The following FAM241A variants were observed in gnomAD, a reference collection of about 807,000 sequenced individuals.
FAM241A encodes the protein uncharacterized protein FAM241A.
A neutral mutation model predicts 12.2 loss-of-function variants in FAM241A; 7 were observed. The observed-to-expected ratio is 0.58, with a 90% CI of 0.33 to 1.08. FAM241A has a LOEUF of 1.08. FAM241A is among the 50% of genes least tolerant of loss of function. The probability of loss-of-function intolerance (pLI) is 0.04; values close to 1 mark genes in which losing one functional copy is unlikely to be tolerated. For missense variants in FAM241A, 161 were observed against 169.7 expected, an observed-to-expected ratio of 0.95 and a Z score of 0.29; for synonymous variants, 74 against 68.2, an observed-to-expected ratio of 1.08 and a Z score of -0.42.
intron 1 of FAM241A, among the ~76,000 whole-genome samples, chr4:112,147,003 C>A (rs184921253): frequency 3.7e-4 from 56 of 152,226 alleles, no homozygotes; most frequent in African/African-American, 1.3e-3. Context: ...GTGAAGAAGA[C>A]AGCACAAGAA....
intron 1 of FAM241A, among the ~76,000 whole-genome samples, chr4:112,166,076 T>C (rs1723588676): frequency 6.7e-6 from 1 of 149,304 alleles, no homozygotes; most frequent in South Asian, 2.1e-4. Flanking sequence ...AGACAGAGTC[T>C]CGCTCTGTCG....
chr4:112,154,887 A>G (rs547129514), intron 1 of FAM241A, among the ~76,000 whole-genome samples: 231 of 152,190 alleles, frequency 1.5e-3, no homozygotes, highest in African/African-American at 5.2e-3. Flanking sequence ...TACAAAAATC[A>G]GCCGGGTATG....
rs1724079738 is a variant in FAM241A at position 112,187,928 on chromosome 4, A to T, written c.*990A>T. ...CAGATCATTTTTCTTTGATATCTATATCAGAAAGGTACAATATTAACAGTA... is the reference window on the plus strand; with the variant it reads ...CAGATCATTTTTCTTTGATATCTATTTCAGAAAGGTACAATATTAACAGTA... On this transcript the variant is annotated 3_prime_UTR_variant, in exon 2 of 2. Transcript: ENST00000309733. 1 of 152,120 alleles carries T rather than the reference A, an allele frequency of 6.6e-6. No individual in the cohort carries two copies. The highest frequency in any genetic ancestry group is 2.4e-5 in the African/African-American group (1 of 41,444). 9.4% of individuals were successfully genotyped at this position (152,120 alleles called of 1,614,324 possible).
At chr4:112,181,137 T>G (rs958896352) in intron 1 of FAM241A, among the ~76,000 whole-genome samples, 1 of 152,088 alleles carries the variant, frequency 6.6e-6, no homozygotes, top group African/African-American at 2.4e-5. Flanking sequence ...TGGAACTGAG[T>G]AGGTAGAATT....
At chr4:112,153,294 A>G (rs1283465588) in intron 1 of FAM241A, among the ~76,000 whole-genome samples, 1 of 152,222 alleles carries the variant, frequency 6.6e-6, no homozygotes, top group Non-Finnish European at 1.5e-5. Context: ...TTTCCTATTC[A>G]AAAGAAGTGA....
chr4:112,149,615 A>C (rs1425625714), intron 1 of FAM241A, among the ~76,000 whole-genome samples: 1 of 152,252 alleles, frequency 6.6e-6, no homozygotes, highest in East Asian at 1.9e-4. Flanking sequence ...ATTTAATTCA[A>C]GAAAGGTTGT....
At chr4:112,183,230 A>G (rs182561635) in intron 1 of FAM241A, among the ~76,000 whole-genome samples, 4 of 152,126 alleles carry the variant, frequency 2.6e-5, no homozygotes, top group Admixed American at 2.0e-4. Context: ...GTTGATACGT[A>G]TATAGGTTTA....
At chr4:112,169,590 G>A (rs1723675086) in intron 1 of FAM241A, among the ~76,000 whole-genome samples, 1 of 152,202 alleles carries the variant, frequency 6.6e-6, no homozygotes, top group Middle Eastern at 3.2e-3. Flanking sequence ...TGGGAGTATG[G>A]AAGGAGTGCC....
In FAM241A at chr4:112,145,518, T is replaced by G; in HGVS notation, c.-63T>G. The G allele has an allele frequency of 5.0e-6, 6 of 1,200,214 alleles. No homozygotes were observed. Among genetic ancestry groups the G allele is most frequent in the Non-Finnish European group, 6.2e-6 (6 of 965,086 alleles). The allele number at this position is 1,200,214 out of a possible 1,614,324, so 74.3% of individuals were successfully genotyped here. A position where few individuals can be genotyped will look rare whatever the true frequency, so the allele number is the denominator to read the frequency against. On this transcript the variant is annotated 5_prime_UTR_variant, in exon 1 of 2. Transcript: ENST00000309733. ...CAGGGCAGCCTTCGGGCGGCGGCGC[T>G]GCCTGGTGCGTCGCGGCGTGGTCCT...
In FAM241A at chr4:112,189,545, T is replaced by A. The variant is rs1724122005; in HGVS notation, c.*2607T>A. ...TGGCCAGTAATTCAAAAGAAAAAGG[T>A]CGAAGTCTACAAATAAACAGACTGT... On this transcript the variant is annotated 3_prime_UTR_variant, in exon 2 of 2. Coordinates refer to ENST00000309733, the MANE Select transcript of FAM241A (RefSeq NM_152400.3). 6.6e-6 allele frequency: 1 copy of A among 152,124 alleles called. No individual in the cohort carries two copies. The highest frequency in any genetic ancestry group is 1.5e-5 in the Non-Finnish European group (1 of 68,014). The allele number at this position is 152,124 out of a possible 1,614,324, so 9.4% of individuals were successfully genotyped here. A position where few individuals can be genotyped will look rare whatever the true frequency, so the allele number is the denominator to read the frequency against.
chr4:112,169,730 C>T (rs546031663), intron 1 of FAM241A, among the ~76,000 whole-genome samples: 2 of 152,128 alleles, frequency 1.3e-5, no homozygotes, highest in East Asian at 3.8e-4. Flanking sequence ...GAAAACGTAG[C>T]TATGAATTCG....
At chr4:112,165,715 A>T (rs1723581226) in intron 1 of FAM241A, among the ~76,000 whole-genome samples, 1 of 152,248 alleles carries the variant, frequency 6.6e-6, no homozygotes, top group Admixed American at 6.5e-5. Flanking sequence ...AAATAATTGA[A>T]CTCATGAAGG....
At position 112,147,821 on chromosome 4, in the gene FAM241A, A is replaced by G. The variant is rs111921086; in HGVS notation, c.153+2088A>G. Among the ~76,000 whole-genome samples, 832 of 152,234 alleles carry G rather than the reference A, an allele frequency of 5.5e-3. 6 individuals carry two copies. The highest frequency in any genetic ancestry group is 0.019 in the African/African-American group (769 of 41,546). ...TAAGGTGAACTTTTCCATGAAAACA[A>G]TGATATAAACAGGAACAGAACCAAA... On this transcript the variant is annotated intron_variant, in intron 1 of 1. Transcript: ENST00000309733.
At chr4:112,158,819 T>G (rs1263389933) in intron 1 of FAM241A, among the ~76,000 whole-genome samples, 1 of 152,164 alleles carries the variant, frequency 6.6e-6, no homozygotes, top group Non-Finnish European at 1.5e-5. Context: ...CCTCAAACAT[T>G]TATTATTTCT....
At chr4:112,181,905 A>G (rs1215909268) in intron 1 of FAM241A, among the ~76,000 whole-genome samples, 2 of 152,154 alleles carry the variant, frequency 1.3e-5, no homozygotes, top group African/African-American at 4.8e-5. Context: ...TTGAATTTGC[A>G]CTTGGAAAGA....
intron 1 of FAM241A, among the ~76,000 whole-genome samples, chr4:112,174,817 T>G (rs920920081): frequency 6.6e-6 from 1 of 152,192 alleles, no homozygotes; most frequent in African/African-American, 2.4e-5. Context: ...ATAGCCTCAA[T>G]GGCACAAGGG....
intron 1 of FAM241A, among the ~76,000 whole-genome samples, chr4:112,161,567 G>A (rs1250086861): frequency 6.6e-6 from 1 of 152,034 alleles, no homozygotes; most frequent in Non-Finnish European, 1.5e-5. Context: ...TAGAAGAAAC[G>A]GATAAATTCC....
chr4:112,175,098 C>T (rs1211206480), intron 1 of FAM241A, among the ~76,000 whole-genome samples: 2 of 152,028 alleles, frequency 1.3e-5, no homozygotes, highest in South Asian at 2.1e-4. Context: ...CATCTATAGT[C>T]AGAATTCTTG....
rs1181946629 is a variant in FAM241A, at chr4:112,187,611, T to C, written c.*673T>C. The C allele has an allele frequency of 6.6e-6, 1 of 152,520 alleles. No individual in the cohort carries two copies. Among genetic ancestry groups the C allele is most frequent in the Non-Finnish European group, 1.5e-5 (1 of 67,966 alleles). The allele number at this position is 152,520 out of a possible 1,614,324, so 9.4% of individuals were successfully genotyped here. A position where few individuals can be genotyped will look rare whatever the true frequency, so the allele number is the denominator to read the frequency against. On this transcript the variant is annotated 3_prime_UTR_variant, in exon 2 of 2. Transcript: ENST00000309733. ...GTAACATTTGGACCTAGACCTACTTTAATATATCATTTGAAGTTTCAGACA... is the reference window on the plus strand; with the variant it reads ...GTAACATTTGGACCTAGACCTACTTCAATATATCATTTGAAGTTTCAGACA...
Sources: allele counts gnomAD v4.1 joint callset (sites outside exome capture counted in the v4.1 genomes callset), GRCh38; gene constraint gnomAD v4.1.1; transcripts MANE v1.5; gene names NCBI Gene and HGNC (gene_info 2026-07-23, HGNC 2026-07-21).